FAF1: variants seen among roughly 807,000 people sequenced by gnomAD.
FAF1 encodes the protein FAS-associated factor 1.
A neutral mutation model predicts 92.5 loss-of-function variants in FAF1; 25 were observed. That is an observed-to-expected ratio of 0.27 (90% confidence interval 0.20 to 0.38). The LOEUF (loss-of-function observed/expected upper bound fraction) is 0.38. Among genes scored for constraint, FAF1 ranks in the 10% least tolerant of loss-of-function variants. FAF1 has a pLI of 1.00. For missense variants in FAF1, 636 were observed against 793.3 expected (o/e 0.80, Z 2.38); for synonymous variants, 234 against 273.2 (o/e 0.86, Z 1.42).
chr1:50,944,801 C>CT (rs1385008611), intron 1 of FAF1, among the ~76,000 whole-genome samples: 1 of 152,152 alleles, frequency 6.6e-6, no homozygotes, highest in Non-Finnish European at 1.5e-5. Flanking sequence ...CCAGGCTGGC[C>CT]TTGGGTTGTT....
At chr1:50,491,848 GA>G (rs769925871) in intron 15 of FAF1, 47 bp from the exon 16 acceptor site, 130 of 1,403,188 alleles carry the variant, frequency 9.3e-5, no homozygotes, top group Middle Eastern at 3.7e-4. Flanking sequence ...ACTTTTTTTT[GA>G]AAAAAAAGAG....
intron 18 of FAF1, among the ~76,000 whole-genome samples, chr1:50,454,236 C>A (rs1646326775): frequency 6.6e-6 from 1 of 152,198 alleles, no homozygotes; most frequent in South Asian, 2.1e-4. Context: ...CCCTATGTGC[C>A]AGACAATTAG....
intron 15 of FAF1, among the ~76,000 whole-genome samples, chr1:50,524,923 T>C (rs935094657): frequency 1.3e-5 from 2 of 152,108 alleles, no homozygotes; most frequent in African/African-American, 4.8e-5. Flanking sequence ...TCTTGCTCTG[T>C]TGCCCAGGGT....
intron 1 of FAF1, among the ~76,000 whole-genome samples, chr1:50,881,364 A>G (rs1390754004): frequency 1.3e-5 from 2 of 152,168 alleles, no homozygotes; most frequent in East Asian, 3.8e-4. Flanking sequence ...CTGTTTCCTC[A>G]GTCTGGAAGG....
chr1:50,795,855 G>A (rs1173386755), intron 3 of FAF1, among the ~76,000 whole-genome samples: 4 of 152,068 alleles, frequency 2.6e-5, no homozygotes, highest in Non-Finnish European at 4.4e-5. Context: ...AAGGAGTACC[G>A]GATAGAGTGA....
At chr1:50,454,915 G>A (rs1557951466) in intron 18 of FAF1, among the ~76,000 whole-genome samples, 1 of 152,216 alleles carries the variant, frequency 6.6e-6, no homozygotes, top group African/African-American at 2.4e-5. Flanking sequence ...TGGAAACAGT[G>A]TAAGTTCACT....
intron 15 of FAF1, among the ~76,000 whole-genome samples, chr1:50,517,853 C>T (rs1000022565): frequency 1.3e-5 from 2 of 152,124 alleles, no homozygotes; most frequent in Admixed American, 6.5e-5. Flanking sequence ...CTATAATGGT[C>T]ACCATTATCA....
intron 6 of FAF1, among the ~76,000 whole-genome samples, chr1:50,724,296 T>TACATACAC (rs1553132404): frequency 2.6e-5 from 3 of 117,136 alleles, no homozygotes; most frequent in East Asian, 2.4e-4. Context: ...CACACACACA[T>TACATACAC]ACACACACAC....
intron 1 of FAF1, among the ~76,000 whole-genome samples, chr1:50,897,098 TAATAA>T (rs1421777473): frequency 1.3e-5 from 2 of 152,202 alleles, no homozygotes; most frequent in African/African-American, 4.8e-5. Flanking sequence ...GGTATAAATC[TAATAA>T]AATATGTGCA....
At chr1:50,629,413 C>T (rs898885980) in intron 8 of FAF1, among the ~76,000 whole-genome samples, 15 of 152,038 alleles carry the variant, frequency 9.9e-5, no homozygotes, top group Admixed American at 6.5e-4. Context: ...AAGTGATCTG[C>T]CTGCCTCGGC....
At chr1:50,665,122 C>A (rs1655564941) in intron 7 of FAF1, among the ~76,000 whole-genome samples, 1 of 152,122 alleles carries the variant, frequency 6.6e-6, no homozygotes, top group Non-Finnish European at 1.5e-5. Flanking sequence ...AAGGAAAACA[C>A]CAATTAAGCC....
chr1:50,620,079 T>G (rs2124172426), intron 8 of FAF1, among the ~76,000 whole-genome samples: 1 of 152,232 alleles, frequency 6.6e-6, no homozygotes, highest in South Asian at 2.1e-4. Context: ...TGGCTAATTT[T>G]TGTATTTTTA....
intron 14 of FAF1, among the ~76,000 whole-genome samples, chr1:50,537,369 C>T (rs2149038873): frequency 6.6e-6 from 1 of 152,236 alleles, no homozygotes; most frequent in Non-Finnish European, 1.5e-5. Flanking sequence ...TGATCAAAGA[C>T]AGAGAAAAAG....
intron 1 of FAF1, among the ~76,000 whole-genome samples, chr1:50,950,829 A>C (rs982906133): frequency 6.6e-6 from 1 of 152,214 alleles, no homozygotes; most frequent in Non-Finnish European, 1.5e-5. Flanking sequence ...TTTTATACGT[A>C]AGTTTCCTCA....
chr1:50,608,074 C>G (rs138082915), intron 8 of FAF1, among the ~76,000 whole-genome samples: 1 of 152,240 alleles, frequency 6.6e-6, no homozygotes, highest in Admixed American at 6.5e-5. Flanking sequence ...CTCAGAGTAG[C>G]AGCTCAAAGG....
chr1:50,605,218 T>C (rs1429771496), intron 8 of FAF1, among the ~76,000 whole-genome samples: 1 of 152,200 alleles, frequency 6.6e-6, no homozygotes, highest in Non-Finnish European at 1.5e-5. Flanking sequence ...GTAACAGAAT[T>C]AGCACAATTT....
intron 1 of FAF1, among the ~76,000 whole-genome samples, chr1:50,947,802 A>C (rs1219237478): frequency 1.3e-5 from 2 of 152,236 alleles, no homozygotes; most frequent in Non-Finnish European, 2.9e-5. Flanking sequence ...TTATTTTCTC[A>C]ATGACAGATT....
At chr1:50,768,997 G>C (rs900481682) in intron 4 of FAF1, among the ~76,000 whole-genome samples, 26 of 151,688 alleles carry the variant, frequency 1.7e-4, no homozygotes, top group African/African-American at 6.1e-4. Flanking sequence ...ACTGAGTCCA[G>C]GAATTAGTTC....
At chr1:50,619,781 A>T (rs1653102881) in intron 8 of FAF1, among the ~76,000 whole-genome samples, 1 of 152,202 alleles carries the variant, frequency 6.6e-6, no homozygotes, top group Non-Finnish European at 1.5e-5. Flanking sequence ...GGATTTGCAT[A>T]TCAATTTTTG....
Sources: gnomAD v4.1 joint callset for allele counts (sites outside exome capture counted in the v4.1 genomes callset) on GRCh38, gnomAD v4.1.1 for gene constraint, MANE v1.5 for transcripts, NCBI Gene and HGNC (gene_info 2026-07-23, HGNC 2026-07-21) for gene names.